The following STPG2 variants were observed in gnomAD, a reference collection of about 807,000 sequenced individuals.
The protein encoded by STPG2 is sperm-tail PG-rich repeat-containing protein 2.
In STPG2, 56 loss-of-function variants were observed where a neutral mutation model predicts 54.2. That is an observed-to-expected ratio of 1.03 (90% CI 0.83 to 1.29). The LOEUF (loss-of-function observed/expected upper bound fraction) is 1.29. Ranked by LOEUF, STPG2 falls within the 50% of genes most tolerant of loss-of-function variation. The pLI is 0.00. For missense variants in STPG2, 596 were observed against 544.9 expected (o/e 1.09, Z -0.93); for synonymous variants, 200 against 181.8 (o/e 1.10, Z -0.81).
At chr4:97,897,179 A>G (rs1462366017) in intron 8 of STPG2, among the ~76,000 whole-genome samples, 1 of 151,802 alleles carries the variant, frequency 6.6e-6, no homozygotes, top group Non-Finnish European at 1.5e-5. Flanking sequence ...TGTTCCTGCA[A>G]TAGTTTGCTA....
At chr4:97,637,162 T>A (rs1188545209) in intron 10 of STPG2, among the ~76,000 whole-genome samples, 1 of 152,196 alleles carries the variant, frequency 6.6e-6, no homozygotes, top group South Asian at 2.1e-4. Flanking sequence ...GTGGGCTTCA[T>A]CCCTGGGATG....
At chr4:97,662,445 C>A (rs751914658) in intron 10 of STPG2, among the ~76,000 whole-genome samples, 31 of 152,112 alleles carry the variant, frequency 2.0e-4, no homozygotes, top group Non-Finnish European at 4.3e-4. Context: ...CTCTGGAAAG[C>A]AGTTTGGAGA....
intron 9 of STPG2, among the ~76,000 whole-genome samples, chr4:97,796,452 T>C (rs1727182892): frequency 6.6e-6 from 1 of 152,208 alleles, no homozygotes; most frequent in African/African-American, 2.4e-5. Context: ...ATTTATTAAA[T>C]AGGGAATCCT....
intron 10 of STPG2, among the ~76,000 whole-genome samples, chr4:97,586,852 T>A (rs1311364207): frequency 6.6e-6 from 1 of 151,804 alleles, no homozygotes; most frequent in Non-Finnish European, 1.5e-5. Flanking sequence ...AAGGAAATAA[T>A]AAAAGAATCT....
intron 4 of STPG2, among the ~76,000 whole-genome samples, chr4:97,454,875 C>G (rs893876375): frequency 2.0e-5 from 3 of 151,924 alleles, no homozygotes; most frequent in Non-Finnish European, 4.4e-5. Context: ...AGAAATTATT[C>G]CTAATATAGA....
chr4:97,627,205 T>C lies in STPG2; in HGVS notation c.1321-68088A>G, dbSNP rs1323518443. ...TTTTAAAAAACAGATATCTGGTAAA[T>C]TGAAGAGTCCGTATTTGGAGAATTT... On this transcript the variant is annotated intron_variant, in intron 10 of 10. Transcript: ENST00000295268. 2.6e-5 allele frequency among the ~76,000 whole-genome samples: 4 copies of C among 152,126 alleles called. No individual in the cohort carries two copies. In the East Asian group the frequency reaches 5.8e-4, roughly 22 times the overall value.
intron 8 of STPG2, among the ~76,000 whole-genome samples, chr4:97,934,594 C>T (rs919316931): frequency 6.6e-6 from 1 of 152,052 alleles, no homozygotes; most frequent in African/African-American, 2.4e-5. Context: ...TATCGAAGGC[C>T]TTTTCTGTGT....
At chr4:97,945,057 T>C (rs562162242) in intron 7 of STPG2, among the ~76,000 whole-genome samples, 1 of 152,330 alleles carries the variant, frequency 6.6e-6, no homozygotes, top group African/African-American at 2.4e-5. Flanking sequence ...CTTATTTTTA[T>C]AATAATTTTT....
intron 8 of STPG2, among the ~76,000 whole-genome samples, chr4:97,898,146 T>C (rs898508349): frequency 2.0e-5 from 3 of 152,114 alleles, no homozygotes; most frequent in Admixed American, 6.6e-5. Flanking sequence ...CTCAGCAGCA[T>C]TTATTGAACA....
chr4:97,552,767 T>TA (rs1731993091), intron 4 of STPG2, among the ~76,000 whole-genome samples: 1 of 152,190 alleles, frequency 6.6e-6, no homozygotes, highest in African/African-American at 2.4e-5. Context: ...AGTTTACAGA[T>TA]ACAAATACTA....
chr4:97,653,571 C>T (rs1722135367), intron 10 of STPG2, among the ~76,000 whole-genome samples: 1 of 151,976 alleles, frequency 6.6e-6, no homozygotes. Flanking sequence ...AAAACAATTA[C>T]ATACATTGGA....
chr4:97,873,272 T>G (rs972808473), intron 8 of STPG2, among the ~76,000 whole-genome samples: 5 of 151,008 alleles, frequency 3.3e-5, no homozygotes, highest in African/African-American at 1.2e-4. Flanking sequence ...TCTCTAATAA[T>G]AAGAAACAGT....
chr4:97,462,733 C>A lies in STPG2; in HGVS notation c.462+249966G>T, dbSNP rs546322136. 2.6e-5 allele frequency among the ~76,000 whole-genome samples: 4 copies of A among 152,008 alleles called. No individual in the cohort carries two copies. In the East Asian group the frequency reaches 7.7e-4, roughly 29 times the overall value. ...ATAAATTTTAATTTATTTTTGTTCA[C>A]TGACTGTGCTAAACTCATTTATTTT... On this transcript the variant is annotated intron_variant, in intron 4 of 4. Transcript: ENST00000522676.
In STPG2 at chr4:97,871,017, C is replaced by A. The variant is rs376023079; in HGVS notation, c.1045-30085G>T. Reference sequence around the variant, plus strand: ...GAAATTTTAAAATAGAAAAAAATAGCCATAAAGACCTTTCCATCCAAAATT... The same window carrying A: ...GAAATTTTAAAATAGAAAAAAATAGACATAAAGACCTTTCCATCCAAAATT... On this transcript the variant is annotated intron_variant, in intron 8 of 10. Coordinates refer to ENST00000295268, the MANE Select transcript of STPG2 (RefSeq NM_174952.3). Among the ~76,000 whole-genome samples the A allele has an allele frequency of 1.3e-4, 20 of 150,524 alleles. 3 individuals are homozygous for A. The highest frequency in any genetic ancestry group is 9.3e-4 in the Admixed American group (14 of 15,048).
intron 8 of STPG2, among the ~76,000 whole-genome samples, chr4:97,867,458 T>A (rs757083800): frequency 6.6e-6 from 1 of 152,116 alleles, no homozygotes; most frequent in South Asian, 2.1e-4. Context: ...TAAATTCTCA[T>A]TTTTTTCTCC....
At chr4:97,909,828 T>C (rs933739655) in intron 8 of STPG2, among the ~76,000 whole-genome samples, 1 of 152,120 alleles carries the variant, frequency 6.6e-6, no homozygotes, top group African/African-American at 2.4e-5. Flanking sequence ...TTACTAAGCA[T>C]ATTATACAGT....
chr4:97,534,479 A>G (rs770302995), intron 4 of STPG2, among the ~76,000 whole-genome samples: 7 of 152,140 alleles, frequency 4.6e-5, no homozygotes, highest in Non-Finnish European at 1.0e-4. Context: ...CTGGGTTCAT[A>G]TCCTTCCATA....
intron 8 of STPG2, among the ~76,000 whole-genome samples, chr4:97,901,755 G>C (rs1454302386): frequency 6.6e-6 from 1 of 151,764 alleles, no homozygotes; most frequent in Non-Finnish European, 1.5e-5. Flanking sequence ...GTAATATACA[G>C]ATTCAATGCA....
intron 8 of STPG2, among the ~76,000 whole-genome samples, chr4:97,924,748 C>T (rs1400640166): frequency 6.6e-6 from 1 of 151,886 alleles, no homozygotes; most frequent in Non-Finnish European, 1.5e-5. Flanking sequence ...ATAATAATAC[C>T]ATATTATAAC....
Sources: allele counts gnomAD v4.1 joint callset (sites outside exome capture counted in the v4.1 genomes callset), GRCh38; gene constraint gnomAD v4.1.1; transcripts MANE v1.5; gene names NCBI Gene and HGNC (gene_info 2026-07-23, HGNC 2026-07-21).